Variants in CFLAR observed in about 807,000 individuals in gnomAD.
CFLAR encodes the protein CASP8 and FADD-like apoptosis regulator.
CFLAR carries 14 observed loss-of-function variants against 51.1 expected under a neutral mutation model. The observed-to-expected ratio is 0.27, with a 90% CI of 0.18 to 0.43. The LOEUF is 0.43. CFLAR is among the 20% of genes least tolerant of loss of function. CFLAR has a pLI of 1.00. For missense variants in CFLAR, 390 were observed against 566.5 expected (o/e 0.69, Z 3.16); for synonymous variants, 210 against 211.6 (o/e 0.99, Z 0.06).
At chr2:201,125,849 G>A (rs2048636022) in intron 1 of CFLAR, among the ~76,000 whole-genome samples, 1 of 152,140 alleles carries the variant, frequency 6.6e-6, no homozygotes, top group Non-Finnish European at 1.5e-5. Flanking sequence ...TGCTACTGGA[G>A]GTGTAGGAGT....
chr2:201,130,978 A>G (rs1330282262), intron 2 of CFLAR, among the ~76,000 whole-genome samples: 1 of 152,206 alleles, frequency 6.6e-6, no homozygotes, highest in Non-Finnish European at 1.5e-5. Context: ...GAAGTTTATC[A>G]GGGTGGGCTC....
chr2:201,136,019 C>A lies in CFLAR; in HGVS notation c.435C>A (p.Ala145=). Reference sequence around the variant, plus strand: ...AGTTGGAGAAACTAAATCTGGTTGCCCCAGATCAACTGGATTTATTAGAAA... The same window carrying A: ...AGTTGGAGAAACTAAATCTGGTTGCACCAGATCAACTGGATTTATTAGAAA... ...VVELEKLNLV[A]PDQLDLLEKC... is the part of the protein sequence containing the mutation. Residue 145 remains alanine (A), a synonymous_variant, in exon 4 of 10, where the codon GCC becomes GCA. Transcript: ENST00000309955. 1.9e-6 allele frequency: 3 copies of A among 1,613,806 alleles called. No homozygotes were observed. The highest frequency in any genetic ancestry group is 2.5e-6 in the Non-Finnish European group (3 of 1,179,968).
intron 2 of CFLAR, 105 bp from the exon 3 acceptor site, chr2:201,132,924 A>C (rs2049525127): frequency 8.2e-7 from 1 of 1,222,696 alleles, no homozygotes; most frequent in Non-Finnish European, 1.2e-6. Context: ...ACACAGGGGC[A>C]AGAACTAGTC....
At position 201,170,182 on chromosome 2, in the gene CFLAR, T is replaced by C. The variant is rs1463650024; in HGVS notation, c.*6209T>C. ...TTGTTCATTGCAGCACTCTTCACAA[T>C]AGCAAAGACACAATAGCAAATGCCC... is the stretch of plus-strand genomic sequence containing the variant. On this transcript the variant is annotated 3_prime_UTR_variant, in exon 10 of 10. Coordinates refer to ENST00000309955, the MANE Select transcript of CFLAR (RefSeq NM_003879.7). The C allele has an allele frequency of 2.0e-5, 3 of 152,164 alleles. No individual in the cohort carries two copies. The highest frequency in any genetic ancestry group is 2.9e-5 in the Non-Finnish European group (2 of 68,024). 9.4% of individuals were successfully genotyped at this position (152,164 alleles called of 1,614,324 possible). A position where few individuals can be genotyped will look rare whatever the true frequency, so the allele number is the denominator to read the frequency against.
At chr2:201,132,430 A>AATAT (rs35648857) in intron 2 of CFLAR, among the ~76,000 whole-genome samples, 9,209 of 137,810 alleles carry the variant, frequency 0.067, 366 homozygotes, top group Non-Finnish European at 0.093. Flanking sequence ...GGGGGGGAAA[A>AATAT]ATATATATAT....
chr2:201,158,033 G>A (rs1048173063), intron 8 of CFLAR, among the ~76,000 whole-genome samples: 3 of 152,200 alleles, frequency 2.0e-5, no homozygotes, highest in African/African-American at 4.8e-5. Flanking sequence ...TTCACCTCCA[G>A]CTTTAGCCAT....
Position 201,138,837 on chromosome 2 carries a change from G to C in CFLAR, c.524-1520G>C, listed in dbSNP as rs2050528672. ...CATCACGATGGCCAGGTCGGCCTCT[G>C]TCACAGTGTCCATGGGGGAGGAGAT... is the stretch of plus-strand genomic sequence containing the variant. On this transcript the variant is annotated intron_variant, in intron 4 of 9. Transcript: ENST00000309955. The surrounding 1 kb of genome is among the most constrained non-coding windows in gnomAD (Gnocchi z 4.0). 7 of 737,250 alleles carry C rather than the reference G, an allele frequency of 9.5e-6. No homozygotes were observed. Among genetic ancestry groups the C allele is most frequent in the Non-Finnish European group, 1.5e-5 (6 of 398,914 alleles). The allele number at this position is 737,250 out of a possible 1,614,324, so 45.7% of individuals were successfully genotyped here.
In CFLAR at chr2:201,175,968, A is replaced by T. The variant is rs1157940688; in HGVS notation, c.*11995A>T. The T allele has an allele frequency of 6.6e-6, 1 of 152,158 alleles. No homozygotes were observed. The highest frequency in any genetic ancestry group is 2.4e-5 in the African/African-American group (1 of 41,422). 9.4% of individuals were successfully genotyped at this position (152,158 alleles called of 1,614,324 possible). On this transcript the variant is annotated 3_prime_UTR_variant, in exon 10 of 10. Transcript: ENST00000309955. The stretch of plus-strand genomic sequence containing the variant: ...CTAAAAATAGAAAAATCAGCTGGGC[A>T]TGGTGGTCCATGCCTCTAATCCCAG...
In CFLAR at chr2:201,171,203, T is replaced by C. The variant is rs1241368339; in HGVS notation, c.*7230T>C. ...AAGAATACAAATTGGGTTCAGTGTA[T>C]ACTGCTCAGGTGATGGGTGCACCAG... On this transcript the variant is annotated 3_prime_UTR_variant, in exon 10 of 10. Coordinates refer to ENST00000309955, the MANE Select transcript of CFLAR (RefSeq NM_003879.7). 6.6e-6 allele frequency: 1 copy of C among 152,126 alleles called. No individual in the cohort carries two copies. Among genetic ancestry groups the C allele is most frequent in the Non-Finnish European group, 1.5e-5 (1 of 68,036 alleles). The allele number at this position is 152,126 out of a possible 1,614,324, so 9.4% of individuals were successfully genotyped here. A position where few individuals can be genotyped will look rare whatever the true frequency, so the allele number is the denominator to read the frequency against.
Position 201,124,492 on chromosome 2 carries a change from G to A in CFLAR, c.-137-5237G>A, listed in dbSNP as rs2048492829. 6.6e-6 allele frequency among the ~76,000 whole-genome samples: 1 copy of A among 152,044 alleles called. No individual in the cohort carries two copies. The highest frequency in any genetic ancestry group is 1.5e-5 in the Non-Finnish European group (1 of 68,012). ...TGGGATTACAGACATGCAGCACCAC[G>A]GCCAGCTAGTTTTTGTATTTTTAGT... On this transcript the variant is annotated intron_variant, in intron 1 of 9. Transcript: ENST00000309955. This position sits in a 1 kb window ranked among gnomAD's most constrained non-coding sequence, Gnocchi z 4.7.
In CFLAR at chr2:201,136,330, G is replaced by A. The variant is rs776083775; in HGVS notation, c.523+223G>A. On this transcript the variant is annotated intron_variant, in intron 4 of 9. Transcript: ENST00000309955. ...ATATTCATGATCTCTGCAAAATGCTGCCAAGCAGTTCTTAACATTTCAGTC... is the reference window on the plus strand; with the variant it reads ...ATATTCATGATCTCTGCAAAATGCTACCAAGCAGTTCTTAACATTTCAGTC... 7 of 1,598,554 alleles carry A rather than the reference G, an allele frequency of 4.4e-6. No homozygotes were observed. The South Asian group carries it at 7.7e-5, about 18-fold the overall frequency.
chr2:201,165,957 A>G lies in CFLAR; in HGVS notation c.*1984A>G, dbSNP rs1943501030. 4.9e-6 allele frequency: 1 copy of G among 203,668 alleles called. No homozygotes were observed. Among genetic ancestry groups the G allele is most frequent in the Non-Finnish European group, 9.7e-6 (1 of 102,700 alleles). 12.6% of individuals were successfully genotyped at this position (203,668 alleles called of 1,614,324 possible). A position where few individuals can be genotyped will look rare whatever the true frequency, so the allele number is the denominator to read the frequency against. On this transcript the variant is annotated 3_prime_UTR_variant, in exon 10 of 10. Coordinates refer to ENST00000309955, the MANE Select transcript of CFLAR (RefSeq NM_003879.7). ...AGAATTTTTCTTAGTACAGAACAAA[A>G]TGAAGTCTCCCATGTCTACTTCTTT...
chr2:201,141,671 CAA>C (rs1387574207), intron 5 of CFLAR: 8 of 1,214,976 alleles, frequency 6.6e-6, no homozygotes, highest in African/African-American at 1.7e-5. Flanking sequence ...AGTGATGAAA[CAA>C]AAGATTTTTG....
At chr2:201,149,733 A>AGAAGC in intron 7 of CFLAR, 21 bp from the exon 8 acceptor site, 1 of 1,586,336 alleles carries the variant, frequency 6.3e-7, no homozygotes, top group African/African-American at 1.3e-5. Context: ...AGTCTTTAGC[A>AGAAGC]TTTCTTGTCT....
chr2:201,126,484 G>C (rs1047669637), intron 1 of CFLAR, among the ~76,000 whole-genome samples: 6 of 152,214 alleles, frequency 3.9e-5, no homozygotes, highest in African/African-American at 7.2e-5. Context: ...GATGGAGTCT[G>C]TCTGGCTCTC....
chr2:201,148,952 G>T, intron 6 of CFLAR, 51 bp from the exon 7 acceptor site: 2 of 1,262,810 alleles, frequency 1.6e-6, no homozygotes, highest in South Asian at 1.2e-5. Context: ...TGTAGGGGTG[G>T]ACTTAGCTCT....
chr2:201,130,187 G>GTGGCA, intron 2 of CFLAR, 41 bp downstream of exon 2: 1 of 292,394 alleles, frequency 3.4e-6, no homozygotes, highest in Non-Finnish European at 7.1e-6. Flanking sequence ...GGGTGGGAGG[G>GTGGCA]AGTGAAGTGT....
chr2:201,132,457 T>C (rs925706873), intron 2 of CFLAR, among the ~76,000 whole-genome samples: 11 of 142,022 alleles, frequency 7.7e-5, no homozygotes, highest in Admixed American at 7.6e-4. Context: ...ATATATATAG[T>C]GTTAGCTCCA....
At chr2:201,132,430 A>AAATATATATATAT (rs34318341) in intron 2 of CFLAR, among the ~76,000 whole-genome samples, 1 of 137,960 alleles carries the variant, frequency 7.2e-6, no homozygotes, top group Non-Finnish European at 1.6e-5. Flanking sequence ...GGGGGGGAAA[A>AAATATATATATAT]ATATATATAT....
Sources: allele counts gnomAD v4.1 joint callset (sites outside exome capture counted in the v4.1 genomes callset), GRCh38; gene constraint gnomAD v4.1.1; non-coding constraint Gnocchi (gnomAD v3.1); transcripts MANE v1.5; gene names NCBI Gene and HGNC (gene_info 2026-07-23, HGNC 2026-07-21).